The following TLR2 variants were observed in gnomAD, a reference collection of about 807,000 sequenced individuals.
TLR2 encodes toll like receptor 2.
TLR2 carries 7 observed loss-of-function variants against 9.1 expected under a neutral mutation model. That is an observed-to-expected ratio of 0.77 (90% CI 0.44 to 1.44). TLR2 has a LOEUF of 1.44. Ranked by LOEUF, TLR2 falls within the 40% of genes most tolerant of loss-of-function variation. The pLI, the probability that TLR2 is intolerant of heterozygous loss-of-function variation, is 0.01. For synonymous variants in TLR2, 317 were observed against 344.6 expected, an observed-to-expected ratio of 0.92 and a Z score of 0.89; for missense variants, 812 against 904.6, an observed-to-expected ratio of 0.90 and a Z score of 1.31.
chr4:153,703,951 T>G lies in TLR2; in HGVS notation c.1044T>G (p.Val348=). 6.2e-7 allele frequency: 1 copy of G among 1,611,874 alleles called. No homozygotes were observed. Among genetic ancestry groups the G allele is most frequent in the Non-Finnish European group, 8.5e-7 (1 of 1,179,466 alleles). ...VKRITVENSK[V]FLVPCLLSQH... is the part of the protein sequence containing the mutation. Reference sequence around the variant, plus strand: ...GAATCACAGTAGAAAACAGTAAAGTTTTTCTGGTTCCTTGTTTACTTTCAC... The same window carrying G: ...GAATCACAGTAGAAAACAGTAAAGTGTTTCTGGTTCCTTGTTTACTTTCAC... Residue 348 remains valine, a synonymous_variant, in exon 3 of 3, where the codon GTT becomes GTG. Coordinates refer to ENST00000642700, the MANE Select transcript of TLR2 (RefSeq NM_001318789.2).
In TLR2 at chr4:153,702,960, C is replaced by A. The variant is rs767149726; in HGVS notation, c.53C>A (p.Ser18Tyr). 1.9e-6 allele frequency: 3 copies of A among 1,608,642 alleles called. No individual in the cohort carries two copies. The East Asian group carries it at 6.7e-5, about 36-fold the overall frequency. Residue 18 changes from serine to tyrosine, a missense_variant, in exon 3 of 3, where the codon TCC becomes TAC. Coordinates refer to ENST00000642700, the MANE Select transcript of TLR2 (RefSeq NM_001318789.2). ...GTCTTGGGGGTCATCATCAGCCTCTCCAAGGAAGAATCCTCCAATCAGGCT... is the reference window on the plus strand; with the variant it reads ...GTCTTGGGGGTCATCATCAGCCTCTACAAGGAAGAATCCTCCAATCAGGCT... ...VWVLGVIISL[S>Y]KEESSNQASL...
At position 153,704,215 on chromosome 4, in the gene TLR2, A is replaced by G; in HGVS notation, c.1308A>G (p.Glu436=). The G allele has an allele frequency of 1.9e-6, 3 of 1,614,218 alleles. No homozygotes were observed. The highest frequency in any genetic ancestry group is 2.5e-6 in the Non-Finnish European group (3 of 1,180,040). ...HSMPETCQWP[E]KMKYLNLSST... The stretch of plus-strand genomic sequence containing the variant: ...TGCCTGAAACTTGTCAGTGGCCAGA[A>G]AAGATGAAATATTTGAACTTATCCA... Residue 436 remains glutamate, a synonymous_variant, in exon 3 of 3, where the codon GAA becomes GAG. Transcript: ENST00000642700.
intron 2 of TLR2, among the ~76,000 whole-genome samples, chr4:153,692,617 C>T (rs922297668): frequency 2.0e-5 from 3 of 152,176 alleles, no homozygotes; most frequent in African/African-American, 4.8e-5. Context: ...TAGTCCCATA[C>T]CAGGGACATA....
chr4:153,699,593 C>T (rs1281333690), intron 2 of TLR2, among the ~76,000 whole-genome samples: 1 of 152,108 alleles, frequency 6.6e-6, no homozygotes, highest in Non-Finnish European at 1.5e-5. Context: ...AACAGGATTG[C>T]CTTGAACTAT....
chr4:153,694,418 G>T lies in TLR2; in HGVS notation c.-17+6371G>T, dbSNP rs1461561928. The stretch of plus-strand genomic sequence containing the variant: ...AGTTTATGGCCAGATTTGAGGGCCT[G>T]TTCCCAACAGTGGACAAAGAAGAAA... On this transcript the variant is annotated intron_variant, in intron 2 of 2. Transcript: ENST00000642700. 7.9e-5 allele frequency among the ~76,000 whole-genome samples: 12 copies of T among 152,230 alleles called. 1 individual carries two copies. In the South Asian group the frequency reaches 1.2e-3, roughly 16 times the overall value.
rs115525840 is a variant in TLR2 at position 153,698,570 on chromosome 4, G to C, written c.-16-4322G>C. Reference sequence around the variant, plus strand: ...TATGACTCATCACAGAATAGATAACGTGAAATTATGAAAAAATATTGGTGT... The same window carrying C: ...TATGACTCATCACAGAATAGATAACCTGAAATTATGAAAAAATATTGGTGT... On this transcript the variant is annotated intron_variant, in intron 2 of 2. Coordinates refer to ENST00000642700, the MANE Select transcript of TLR2 (RefSeq NM_001318789.2). 4.6e-5 allele frequency among the ~76,000 whole-genome samples: 7 copies of C among 152,166 alleles called. No individual in the cohort carries two copies. In the East Asian group the frequency reaches 1.3e-3, roughly 29 times the overall value.
chr4:153,693,387 T>C (rs1736254952), intron 2 of TLR2, among the ~76,000 whole-genome samples: 1 of 152,178 alleles, frequency 6.6e-6, no homozygotes. Context: ...CTATAATATT[T>C]CCCTGTTGAT....
At chr4:153,685,563 A>T (rs1270414408) in intron 1 of TLR2, among the ~76,000 whole-genome samples, 5 of 152,238 alleles carry the variant, frequency 3.3e-5, no homozygotes, top group Non-Finnish European at 7.3e-5. Flanking sequence ...AGCAGAAACT[A>T]TTGGAAAATG....
At chr4:153,707,966 CTA>C (rs1461743115), downstream of TLR2, among the ~76,000 whole-genome samples, 1 of 152,194 alleles carries the variant, frequency 6.6e-6, no homozygotes, top group Non-Finnish European at 1.5e-5. Flanking sequence ...ACACCAGAAA[CTA>C]TACTTTACCA....
downstream of TLR2, among the ~76,000 whole-genome samples, chr4:153,706,394 C>T (rs533046637): frequency 2.4e-4 from 37 of 152,220 alleles, no homozygotes; most frequent in Admixed American, 1.8e-3. Context: ...TTTCCTTCTT[C>T]GAAAAGTCTT....
chr4:153,707,627 C>T (rs575176378), downstream of TLR2, among the ~76,000 whole-genome samples: 22 of 152,250 alleles, frequency 1.4e-4, no homozygotes, highest in African/African-American at 5.3e-4. Context: ...ACACCAAATA[C>T]AGTAATGGAC....
rs1487605388 is a variant in TLR2 at position 153,704,567 on chromosome 4, G to A, written c.1660G>A (p.Val554Ile). ...TCAGGAGCAGCAAGCACTGGCCAAA[G>A]TCTTGATTGATTGGCCAGCAAATTA... ...FTQEQQALAK[V>I]LIDWPANYLC... Residue 554 changes from valine to isoleucine, a missense_variant, in exon 3 of 3, where the codon GTC (valine) becomes ATC (isoleucine). Val to Ile is a conservative substitution (Grantham distance 29, BLOSUM62 3). Transcript: ENST00000642700. The A allele has an allele frequency of 3.1e-6, 5 of 1,613,552 alleles. No homozygotes were observed. The highest frequency in any genetic ancestry group is 2.7e-5 in the African/African-American group (2 of 74,742).
intron 2 of TLR2, among the ~76,000 whole-genome samples, chr4:153,697,643 A>G (rs1736595183): frequency 6.6e-6 from 1 of 152,154 alleles, no homozygotes; most frequent in Non-Finnish European, 1.5e-5. Flanking sequence ...AAACTTTGGA[A>G]GCTTCTAGAT....
chr4:153,703,200 C>G lies in TLR2; in HGVS notation c.293C>G (p.Ser98Cys). ...ACAATAGAGGAAGATTCTTTTTCTTCCCTGGGCAGTCTTGAACATTTAGAC... is the reference window on the plus strand; with the variant it reads ...ACAATAGAGGAAGATTCTTTTTCTTGCCTGGGCAGTCTTGAACATTTAGAC... ...INTIEEDSFS[S>C]LGSLEHLDLS... is the part of the protein sequence containing the mutation. The change falls in exon 3 of 3, where the codon TCC (serine) becomes TGC (cysteine). Residue 98 changes from serine (S) to cysteine (C), a missense_variant. Coordinates refer to ENST00000642700, the MANE Select transcript of TLR2 (RefSeq NM_001318789.2). The G allele has an allele frequency of 6.2e-7, 1 of 1,614,182 alleles. No individual in the cohort carries two copies. The highest frequency in any genetic ancestry group is 8.5e-7 in the Non-Finnish European group (1 of 1,180,016).
chr4:153,705,003 CTG>C lies in TLR2; in HGVS notation c.2098_2099del (p.Val700LeufsTer5), dbSNP rs769456951. ...GACTCCATTGAAAAGAGCCACAAAACTGTCTTTGTGCTTTCTGAAAACTTTGT... is the reference window on the plus strand; with the variant it reads ...GACTCCATTGAAAAGAGCCACAAAACTCTTTGTGCTTTCTGAAAACTTTGT... On this transcript the variant is annotated frameshift_variant, in exon 3 of 3. Transcript: ENST00000642700. LOFTEE classifies it high-confidence loss of function. 16 of 1,613,508 alleles carry C rather than the reference CTG, an allele frequency of 9.9e-6. No individual in the cohort carries two copies. The Admixed American group carries it at 2.2e-4, about 22-fold the overall frequency.
chr4:153,688,085 A>G (rs1735837055), intron 2 of TLR2, 38 bp downstream of exon 2: 7 of 152,088 alleles, frequency 4.6e-5, no homozygotes. Context: ...ATACATTTGC[A>G]TTTTCAGCTC....
intron 2 of TLR2, chr4:153,701,812 A>C (rs900367653): frequency 1.3e-5 from 2 of 151,688 alleles, no homozygotes; most frequent in African/African-American, 4.8e-5. Flanking sequence ...TTTTGGTGCG[A>C]ACACAAAAAT....
At chr4:153,693,029 C>T (rs897323717) in intron 2 of TLR2, among the ~76,000 whole-genome samples, 9 of 152,178 alleles carry the variant, frequency 5.9e-5, no homozygotes, top group Non-Finnish European at 4.4e-5. Flanking sequence ...TTTGTGCTTC[C>T]AAATCTTCCT....
chr4:153,708,858 T>C (rs1737417146), downstream of TLR2, among the ~76,000 whole-genome samples: 2 of 152,180 alleles, frequency 1.3e-5, no homozygotes, highest in Admixed American at 6.5e-5. Context: ...TGTGCTTACC[T>C]AGAGACATCT....
Sources: gnomAD v4.1 joint callset for allele counts (sites outside exome capture counted in the v4.1 genomes callset) on GRCh38, gnomAD v4.1.1 for gene constraint, MANE v1.5 for transcripts, NCBI Gene and HGNC (gene_info 2026-07-23, HGNC 2026-07-21) for gene names.